OLA1: variants seen among roughly 807,000 people sequenced by gnomAD.
The protein encoded by OLA1 is obg-like ATPase 1.
In OLA1, 14 loss-of-function variants were observed where a neutral mutation model predicts 48.4. The ratio of observed to expected loss-of-function variants is 0.29; its 90% confidence interval spans 0.19 to 0.45. The LOEUF (loss-of-function observed/expected upper bound fraction) is 0.45, where lower values mean the gene tolerates loss of function less well. OLA1 is among the 20% of genes least tolerant of loss of function. The probability of loss-of-function intolerance (pLI) is 1.00; values close to 1 mark genes in which losing one functional copy is unlikely to be tolerated. For missense variants in OLA1, 325 were observed against 467.1 expected (o/e 0.70, Z 2.80); for synonymous variants, 127 against 150.4 (o/e 0.84, Z 1.14).
chr2:174,113,986 T>C (rs1312431308), intron 7 of OLA1, among the ~76,000 whole-genome samples: 2 of 152,130 alleles, frequency 1.3e-5, no homozygotes, highest in South Asian at 2.1e-4. Context: ...TAGCAGGAAC[T>C]CAACAATAAA....
chr2:174,119,506 A>G (rs1685861030), intron 7 of OLA1, among the ~76,000 whole-genome samples: 1 of 152,128 alleles, frequency 6.6e-6, no homozygotes, highest in Non-Finnish European at 1.5e-5. Flanking sequence ...TGTCAAAAAT[A>G]TACACACTTC....
chr2:174,108,697 T>C (rs1482437459), intron 7 of OLA1, among the ~76,000 whole-genome samples: 1 of 152,174 alleles, frequency 6.6e-6, no homozygotes, highest in African/African-American at 2.4e-5. Context: ...GCTTAATGTG[T>C]ACCACATGCA....
At chr2:174,086,455 G>A (rs1416846384) in intron 7 of OLA1, among the ~76,000 whole-genome samples, 1 of 152,008 alleles carries the variant, frequency 6.6e-6, no homozygotes, top group Non-Finnish European at 1.5e-5. Flanking sequence ...CTAAACCCTC[G>A]GACAGTACCA....
At chr2:174,165,788 T>C (rs995737899) in intron 4 of OLA1, among the ~76,000 whole-genome samples, 4 of 148,730 alleles carry the variant, frequency 2.7e-5, no homozygotes, top group South Asian at 4.3e-4. Context: ...GAGAATGCCG[T>C]TCCTCTATTC....
chr2:174,131,158 T>C (rs1013476807), intron 5 of OLA1, among the ~76,000 whole-genome samples: 18 of 152,176 alleles, frequency 1.2e-4, no homozygotes, highest in Admixed American at 1.2e-3. Context: ...TAATCACTAC[T>C]TCTGGCTTCT....
At chr2:174,119,710 G>A (rs1247253033) in intron 7 of OLA1, among the ~76,000 whole-genome samples, 2 of 152,016 alleles carry the variant, frequency 1.3e-5, no homozygotes, top group Non-Finnish European at 2.9e-5. Context: ...AAAGGGGAAG[G>A]AACTGAATCA....
At chr2:174,096,518 T>C (rs1176511436) in intron 7 of OLA1, among the ~76,000 whole-genome samples, 1 of 152,206 alleles carries the variant, frequency 6.6e-6, no homozygotes. Context: ...TATGATCATA[T>C]GACGTCTGAC....
chr2:174,150,602 G>T (rs916272377), intron 4 of OLA1, among the ~76,000 whole-genome samples: 1 of 152,172 alleles, frequency 6.6e-6, no homozygotes, highest in African/African-American at 2.4e-5. Flanking sequence ...CAGAGACACA[G>T]AATTCCTTGG....
intron 7 of OLA1, among the ~76,000 whole-genome samples, chr2:174,084,427 T>C (rs1684923438): frequency 6.6e-6 from 1 of 152,236 alleles, no homozygotes; most frequent in African/African-American, 2.4e-5. Flanking sequence ...AGTGAGGTTC[T>C]TTGGCTGTCT....
chr2:174,215,553 G>A (rs143521960), intron 4 of OLA1, among the ~76,000 whole-genome samples: 6 of 151,130 alleles, frequency 4.0e-5, no homozygotes, highest in African/African-American at 1.5e-4. Context: ...CTAGAAATAT[G>A]GAAAAAAATA....
At chr2:174,109,062 T>C (rs1469687472) in intron 7 of OLA1, among the ~76,000 whole-genome samples, 1 of 152,186 alleles carries the variant, frequency 6.6e-6, no homozygotes, top group Non-Finnish European at 1.5e-5. Context: ...CAACAATTAG[T>C]AACCCTTGAT....
At chr2:174,204,558 TA>T (rs1276749317) in intron 4 of OLA1, among the ~76,000 whole-genome samples, 2 of 152,076 alleles carry the variant, frequency 1.3e-5, no homozygotes, top group African/African-American at 4.8e-5. Context: ...TATAAATGGA[TA>T]AAGTCACTCA....
At chr2:174,121,080 G>T (rs997669075) in intron 7 of OLA1, among the ~76,000 whole-genome samples, 4 of 152,142 alleles carry the variant, frequency 2.6e-5, no homozygotes, top group African/African-American at 9.7e-5. Context: ...AGTTAAAATG[G>T]ATTTTAACTA....
intron 4 of OLA1, among the ~76,000 whole-genome samples, chr2:174,197,985 G>T (rs1687915434): frequency 6.6e-6 from 1 of 152,220 alleles, no homozygotes. Flanking sequence ...TTTGTTTTGA[G>T]ATGGAGTCTT....
At position 174,073,974 on chromosome 2, in the gene OLA1, T is replaced by G. The variant is rs527956330; in HGVS notation, c.*1452A>C. On this transcript the variant is annotated 3_prime_UTR_variant, in exon 11 of 11. Coordinates refer to ENST00000284719, the MANE Select transcript of OLA1 (RefSeq NM_013341.5). ...ATGTTAGCAAAAGAAGATCACTATT[T>G]GATACTAAAAAAATACTCACTGGAG... is the stretch of plus-strand genomic sequence containing the variant. 4 of 152,346 alleles carry G rather than the reference T, an allele frequency of 2.6e-5. No individual in the cohort carries two copies. The highest frequency in any genetic ancestry group is 9.6e-5 in the African/African-American group (4 of 41,600). The allele number at this position is 152,346 out of a possible 1,614,324, so 9.4% of individuals were successfully genotyped here. A position where few individuals can be genotyped will look rare whatever the true frequency, so the allele number is the denominator to read the frequency against.
chr2:174,077,470 T>C (rs902976015), intron 10 of OLA1, among the ~76,000 whole-genome samples: 5 of 152,112 alleles, frequency 3.3e-5, no homozygotes, highest in Non-Finnish European at 7.4e-5. Context: ...AAATGCTTCA[T>C]TTTACTTGGA....
intron 5 of OLA1, among the ~76,000 whole-genome samples, chr2:174,128,167 A>C (rs1686088479): frequency 6.6e-6 from 1 of 151,822 alleles, no homozygotes; most frequent in South Asian, 2.1e-4. Flanking sequence ...CTGAGGCAGG[A>C]GGCTGGCTTG....
chr2:174,212,965 A>C (rs1688277358), intron 4 of OLA1, among the ~76,000 whole-genome samples: 1 of 152,228 alleles, frequency 6.6e-6, no homozygotes, highest in Admixed American at 6.5e-5. Context: ...CTAACGAGAA[A>C]AAGTATAGTG....
At chr2:174,115,796 C>T (rs941744653) in intron 7 of OLA1, among the ~76,000 whole-genome samples, 3 of 152,154 alleles carry the variant, frequency 2.0e-5, no homozygotes, top group East Asian at 1.9e-4. Flanking sequence ...CTTCCCCAGC[C>T]GCCCTAACTA....
Sources: allele counts gnomAD v4.1 joint callset (sites outside exome capture counted in the v4.1 genomes callset), GRCh38; gene constraint gnomAD v4.1.1; transcripts MANE v1.5; gene names NCBI Gene and HGNC (gene_info 2026-07-23, HGNC 2026-07-21).